Variants in DYM observed in about 807,000 individuals in gnomAD.
The protein encoded by DYM is dymeclin, also known as dyggve-Melchior-Clausen syndrome protein.
DYM carries 78 observed loss-of-function variants against 93.1 expected under a neutral mutation model. The observed-to-expected ratio is 0.84, with a 90% CI of 0.70 to 1.01. DYM has a LOEUF of 1.01. Among genes scored for constraint, DYM ranks in the 50% least tolerant of loss-of-function variants. The pLI, the probability that DYM is intolerant of heterozygous loss-of-function variation, is 0.00. For synonymous variants in DYM, 321 were observed against 319.7 expected (o/e 1.00, Z -0.04); for missense variants, 789 against 845.0 (o/e 0.93, Z 0.82).
At chr18:49,352,198 T>C (rs772223065) in intron 6 of DYM, among the ~76,000 whole-genome samples, 1 of 152,138 alleles carries the variant, frequency 6.6e-6, no homozygotes, top group African/African-American at 2.4e-5. Context: ...AGTAGGTCGG[T>C]TTTGCTAGGG....
At chr18:49,064,993 C>T (rs1282450913) in intron 17 of DYM, among the ~76,000 whole-genome samples, 1 of 151,798 alleles carries the variant, frequency 6.6e-6, no homozygotes, top group Non-Finnish European at 1.5e-5. Flanking sequence ...AAAGTTTTTA[C>T]TTACTTACAT....
At position 49,442,172 on chromosome 18, in the gene DYM, T is replaced by TG. The variant is rs573030201; in HGVS notation, c.-53-11726dup. ...ACACAAAGAGCTTCCAATCAGTTTTTGGGTAGTCTCAACTTTAAATAAGAA... is the reference window on the plus strand; with the variant it reads ...ACACAAAGAGCTTCCAATCAGTTTTTGGGGTAGTCTCAACTTTAAATAAGAA... On this transcript the variant is annotated intron_variant, in intron 1 of 17. Transcript: ENST00000675505. Among the ~76,000 whole-genome samples the TG allele has an allele frequency of 4.6e-4, 70 of 152,286 alleles. 2 individuals are homozygous for TG. In the South Asian group the frequency reaches 0.013, roughly 29 times the overall value.
intron 8 of DYM, among the ~76,000 whole-genome samples, chr18:49,308,403 T>C (rs2061395580): frequency 1.3e-5 from 2 of 152,048 alleles, no homozygotes; most frequent in African/African-American, 2.4e-5. Context: ...ACCTTAAGAA[T>C]GGAGACAATC....
intron 14 of DYM, among the ~76,000 whole-genome samples, chr18:49,177,881 C>T (rs8090417): frequency 6.6e-6 from 1 of 152,122 alleles, no homozygotes; most frequent in Non-Finnish European, 1.5e-5. Context: ...TTTAAATAAA[C>T]TATCTACTGA....
chr18:49,327,877 T>C (rs1272599486), intron 8 of DYM, among the ~76,000 whole-genome samples: 1 of 152,140 alleles, frequency 6.6e-6, no homozygotes. Flanking sequence ...TCCACAGATG[T>C]TGGATGGCGC....
intron 15 of DYM, among the ~76,000 whole-genome samples, chr18:49,146,608 G>T (rs966874452): frequency 3.9e-5 from 6 of 152,098 alleles, no homozygotes; most frequent in African/African-American, 1.4e-4. Flanking sequence ...GCTTCAAAGA[G>T]AATAAAATAT....
At chr18:49,194,100 T>C (rs1190881715) in intron 14 of DYM, among the ~76,000 whole-genome samples, 1 of 152,064 alleles carries the variant, frequency 6.6e-6, no homozygotes, top group East Asian at 1.9e-4. Context: ...ACCCTGTATG[T>C]TTAAGTCTGT....
At chr18:49,240,219 C>T (rs1348485873) in intron 13 of DYM, among the ~76,000 whole-genome samples, 2 of 152,176 alleles carry the variant, frequency 1.3e-5, no homozygotes, top group East Asian at 3.8e-4. Context: ...CTCACATCCA[C>T]TCTACCTATC....
At chr18:49,365,008 G>A (rs2066392154) in intron 5 of DYM, among the ~76,000 whole-genome samples, 1 of 152,114 alleles carries the variant, frequency 6.6e-6, no homozygotes, top group African/African-American at 2.4e-5. Context: ...CAAGCAGGCA[G>A]GCCCCTACTG....
chr18:49,064,555 C>T (rs2076242533), intron 17 of DYM, among the ~76,000 whole-genome samples: 1 of 152,116 alleles, frequency 6.6e-6, no homozygotes, highest in African/African-American at 2.4e-5. Flanking sequence ...CTGAGGGCCG[C>T]TCTATGATCT....
intron 8 of DYM, among the ~76,000 whole-genome samples, chr18:49,313,462 CAAAAAA>C (rs60775305): frequency 3.2e-4 from 9 of 28,560 alleles, no homozygotes; most frequent in African/African-American, 1.2e-3. Context: ...GACTCTGTCA[CAAAAAA>C]AAAAAAAAAA....
At chr18:49,267,795 G>A (rs2094596185) in intron 11 of DYM, among the ~76,000 whole-genome samples, 1 of 152,150 alleles carries the variant, frequency 6.6e-6, no homozygotes, top group South Asian at 2.1e-4. Flanking sequence ...CTACTCGGGA[G>A]GCTGAGGCAT....
intron 15 of DYM, among the ~76,000 whole-genome samples, chr18:49,123,739 G>A (rs1174648941): frequency 1.3e-5 from 2 of 152,184 alleles, no homozygotes; most frequent in African/African-American, 4.8e-5. Flanking sequence ...AAGGGGAGGA[G>A]ATGAGACTTC....
chr18:49,094,833 T>C (rs2079398268), intron 17 of DYM, among the ~76,000 whole-genome samples: 1 of 152,204 alleles, frequency 6.6e-6, no homozygotes, highest in Non-Finnish European at 1.5e-5. Flanking sequence ...TCTAAAACTT[T>C]TGGCTCATCG....
chr18:49,058,022 ACT>A (rs1331378572), intron 17 of DYM, among the ~76,000 whole-genome samples: 2 of 152,202 alleles, frequency 1.3e-5, no homozygotes, highest in African/African-American at 4.8e-5. Context: ...TGCTGGCTAG[ACT>A]CTGTTAGCAC....
At chr18:49,152,173 T>C (rs2085889133) in intron 15 of DYM, among the ~76,000 whole-genome samples, 1 of 152,216 alleles carries the variant, frequency 6.6e-6, no homozygotes, top group African/African-American at 2.4e-5. Flanking sequence ...AGTTTTTTAA[T>C]AATTTTTTTA....
chr18:49,212,076 A>T (rs192826944), intron 13 of DYM, among the ~76,000 whole-genome samples: 2 of 152,324 alleles, frequency 1.3e-5, no homozygotes, highest in Admixed American at 6.5e-5. Context: ...TTCCCAAAAA[A>T]TCAAGCAAAC....
intron 15 of DYM, among the ~76,000 whole-genome samples, chr18:49,147,944 A>T (rs1265072115): frequency 1.3e-5 from 2 of 152,256 alleles, no homozygotes; most frequent in Non-Finnish European, 2.9e-5. Context: ...GAACCAAGCC[A>T]AATGTCCAAC....
In DYM at chr18:49,192,037, A is replaced by G. The variant is rs561529443; in HGVS notation, c.1625+17514T>C. ...CTGCAGCCTCAAACACCTGGGCTCAAGCGATCCTCCTGCCTCAGCCTCCTG... is the reference window on the plus strand; with the variant it reads ...CTGCAGCCTCAAACACCTGGGCTCAGGCGATCCTCCTGCCTCAGCCTCCTG... On this transcript the variant is annotated intron_variant, in intron 14 of 17. Coordinates refer to ENST00000675505, the MANE Select transcript of DYM (RefSeq NM_001353214.3). 5.3e-5 allele frequency among the ~76,000 whole-genome samples: 8 copies of G among 151,910 alleles called. No homozygotes were observed. In the East Asian group the frequency reaches 5.8e-4, roughly 11 times the overall value.
Sources: allele counts gnomAD v4.1 joint callset (sites outside exome capture counted in the v4.1 genomes callset), GRCh38; gene constraint gnomAD v4.1.1; transcripts MANE v1.5; gene names NCBI Gene and HGNC (gene_info 2026-07-23, HGNC 2026-07-21).